PLEKHM3: variants seen among roughly 807,000 people sequenced by gnomAD.
The protein encoded by PLEKHM3 is pleckstrin homology domain containing M3.
Under a neutral mutation model 81.8 loss-of-function variants are expected in PLEKHM3, and 45 were observed. That is an observed-to-expected ratio of 0.55 (90% confidence interval 0.43 to 0.71). PLEKHM3 has a LOEUF of 0.71. Among genes scored for constraint, PLEKHM3 ranks in the 30% least tolerant of loss-of-function variants. PLEKHM3 has a pLI of 0.00. For synonymous variants in PLEKHM3, 352 were observed against 356.4 expected (o/e 0.99, Z 0.14); for missense variants, 788 against 924.3 (o/e 0.85, Z 1.91).
At chr2:207,933,394 T>C (rs12617490) in intron 4 of PLEKHM3, among the ~76,000 whole-genome samples, 30,037 of 152,234 alleles carry the variant, frequency 0.2, 3,667 homozygotes, top group Middle Eastern at 0.33. Context: ...ATATTTGTGA[T>C]ATTTAAATAT....
intron 1 of PLEKHM3, among the ~76,000 whole-genome samples, chr2:208,012,535 G>A (rs1395005158): frequency 6.6e-6 from 1 of 152,142 alleles, no homozygotes; most frequent in East Asian, 1.9e-4. Context: ...TTAGTAGAAG[G>A]ACCATAAACA....
intron 1 of PLEKHM3, among the ~76,000 whole-genome samples, chr2:208,016,986 C>T (rs1692944616): frequency 6.6e-6 from 1 of 152,184 alleles, no homozygotes; most frequent in African/African-American, 2.4e-5. Context: ...TACGCACATC[C>T]TCCTGTAAGT....
At chr2:207,978,163 AACATCAACGGAGCG>A (rs1691384827) in intron 2 of PLEKHM3, among the ~76,000 whole-genome samples, 5 of 123,582 alleles carry the variant, frequency 4.0e-5, no homozygotes, top group African/African-American at 1.1e-4. Context: ...TGGAACGTGC[AACATCAACGGAGCG>A]TGCAACATCA....
At chr2:207,867,599 T>C (rs1212075578) in intron 6 of PLEKHM3, among the ~76,000 whole-genome samples, 1 of 152,096 alleles carries the variant, frequency 6.6e-6, no homozygotes, top group African/African-American at 2.4e-5. Flanking sequence ...TGATTTCTCC[T>C]AGGGTTCTTT....
intron 3 of PLEKHM3, among the ~76,000 whole-genome samples, chr2:207,974,276 T>G (rs1162547155): frequency 6.6e-6 from 1 of 152,198 alleles, no homozygotes; most frequent in Non-Finnish European, 1.5e-5. Flanking sequence ...TGATTTCATT[T>G]CTCCAGCTGC....
chr2:207,936,956 T>C (rs1689776397), intron 4 of PLEKHM3, among the ~76,000 whole-genome samples: 1 of 151,942 alleles, frequency 6.6e-6, no homozygotes, highest in African/African-American at 2.4e-5. Flanking sequence ...TGGAAAGCTC[T>C]CTAAGCACAG....
In PLEKHM3 at chr2:207,940,774, C is replaced by T. The variant is rs115485089; in HGVS notation, c.1692+5593G>A. Among the ~76,000 whole-genome samples the T allele has an allele frequency of 5.1e-3, 771 of 152,250 alleles. 7 individuals are homozygous for T. The highest frequency in any genetic ancestry group is 0.017 in the African/African-American group (711 of 41,552). On this transcript the variant is annotated intron_variant, in intron 4 of 7. Coordinates refer to ENST00000427836, the MANE Select transcript of PLEKHM3 (RefSeq NM_001080475.3). The stretch of plus-strand genomic sequence containing the variant: ...AGGAGCAACAAAAAAGCTGTCACCA[C>T]GGAGGACATGCCTTCTTTAGCTCTC...
intron 7 of PLEKHM3, among the ~76,000 whole-genome samples, chr2:207,832,176 A>T (rs2092292278): frequency 6.6e-6 from 1 of 152,222 alleles, no homozygotes; most frequent in Non-Finnish European, 1.5e-5. Context: ...ATAAAAAAAA[A>T]TTAATGATTT....
intron 6 of PLEKHM3, among the ~76,000 whole-genome samples, chr2:207,872,374 T>C (rs2092539076): frequency 6.6e-6 from 1 of 152,164 alleles, no homozygotes; most frequent in African/African-American, 2.4e-5. Flanking sequence ...AAATAATACC[T>C]CTAGTCCTTA....
At chr2:207,924,710 A>AC (rs1689328788) in intron 5 of PLEKHM3, among the ~76,000 whole-genome samples, 1 of 151,994 alleles carries the variant, frequency 6.6e-6, no homozygotes. Flanking sequence ...CAAACAAACA[A>AC]AACAACAACA....
At chr2:207,947,608 C>A (rs1302213129) in intron 3 of PLEKHM3, among the ~76,000 whole-genome samples, 2 of 152,136 alleles carry the variant, frequency 1.3e-5, no homozygotes, top group Non-Finnish European at 2.9e-5. Flanking sequence ...TTCCATGTGG[C>A]CCATTTTATG....
In PLEKHM3 at chr2:207,976,701, G is replaced by A. The variant is rs200046449; in HGVS notation, c.1496C>T (p.Thr499Met). The A allele has an allele frequency of 9.7e-5, 157 of 1,614,056 alleles. No individual in the cohort carries two copies. In the Admixed American group the frequency reaches 1.1e-3, roughly 11 times the overall value. The change falls in exon 3 of 8, where the codon ACG becomes ATG. Residue 499 changes from threonine (T) to methionine (M), a missense_variant. Physicochemically the swap from Thr to Met is moderately conservative, Grantham distance 81. Coordinates refer to ENST00000427836, the MANE Select transcript of PLEKHM3 (RefSeq NM_001080475.3). This position sits in a 1 kb window ranked among gnomAD's most constrained non-coding sequence, Gnocchi z 4.1. ...GAGTCCTCGTTCCAAAGACAAAGTC[G>A]TCAAAATGCTCAGGAAGCTGGTAGT... ...SVTTSFLSIL[T>M]TLSLERGLTA...
intron 2 of PLEKHM3, among the ~76,000 whole-genome samples, chr2:207,989,566 C>T (rs1691831295): frequency 6.6e-6 from 1 of 152,192 alleles, no homozygotes; most frequent in South Asian, 2.1e-4. Context: ...CACTATCACA[C>T]TAATCTGAGT....
At chr2:207,991,551 T>G (rs1691900521) in intron 2 of PLEKHM3, among the ~76,000 whole-genome samples, 1 of 152,080 alleles carries the variant, frequency 6.6e-6, no homozygotes, top group South Asian at 2.1e-4. Flanking sequence ...GCCTTAGGGG[T>G]GGACATGTGA....
chr2:207,865,710 G>A (rs2092492135), intron 6 of PLEKHM3, among the ~76,000 whole-genome samples: 1 of 142,548 alleles, frequency 7.0e-6, no homozygotes, highest in African/African-American at 2.6e-5. Context: ...AACCCAGGAG[G>A]CAGAGGTTGC....
At chr2:207,953,853 A>G (rs1690418492) in intron 3 of PLEKHM3, among the ~76,000 whole-genome samples, 1 of 151,600 alleles carries the variant, frequency 6.6e-6, no homozygotes, top group Non-Finnish European at 1.5e-5. Context: ...ATAAAGTTCC[A>G]CTGCACAGAG....
chr2:207,976,747 T>C lies in PLEKHM3; in HGVS notation c.1450A>G (p.Lys484Glu), dbSNP rs1214151885. ...KDQMGGHELR[K>E]NKRQSVTTSF... ...GTAGTCACAGATTGGCGTTTGTTCT[T>C]CCTGAGTTCATGCCCACCCATTTGA... Residue 484 changes from lysine (K) to glutamate (E), a missense_variant, in exon 3 of 8, where the codon AAG becomes GAG. Physicochemically the swap from Lys to Glu is moderately conservative, Grantham distance 56 (BLOSUM62 1). Transcript: ENST00000427836. The surrounding 1 kb of genome is among the most constrained non-coding windows in gnomAD (Gnocchi z 4.1). The C allele has an allele frequency of 6.2e-7, 1 of 1,614,220 alleles. No homozygotes were observed. The highest frequency in any genetic ancestry group is 1.1e-5 in the South Asian group (1 of 91,088).
chr2:207,861,307 A>C (rs779854246), intron 6 of PLEKHM3, 45 bp from the exon 7 acceptor site: 4 of 1,591,586 alleles, frequency 2.5e-6, no homozygotes, highest in South Asian at 1.1e-5. Context: ...TATTGAGAAC[A>C]GAAGTCTTGT....
At chr2:207,956,612 C>T (rs918752642) in intron 3 of PLEKHM3, among the ~76,000 whole-genome samples, 4 of 151,530 alleles carry the variant, frequency 2.6e-5, no homozygotes, top group Non-Finnish European at 5.9e-5. Flanking sequence ...GTAGTACAAT[C>T]ATGGCTCATT....
Sources: gnomAD v4.1 joint callset for allele counts (sites outside exome capture counted in the v4.1 genomes callset) on GRCh38, gnomAD v4.1.1 for gene constraint, Gnocchi (gnomAD v3.1) non-coding constraint, MANE v1.5 for transcripts, NCBI Gene and HGNC (gene_info 2026-07-23, HGNC 2026-07-21) for gene names.